The following ACTL6B variants were observed in gnomAD, a reference collection of about 807,000 sequenced individuals.
ACTL6B encodes the protein actin like 6B.
A neutral mutation model predicts 63.3 loss-of-function variants in ACTL6B; 48 were observed. The observed-to-expected ratio is 0.76, with a 90% CI of 0.60 to 0.96. The LOEUF (loss-of-function observed/expected upper bound fraction) is 0.96, where lower values mean the gene tolerates loss of function less well. Ranked by LOEUF, ACTL6B falls within the 50% of genes least tolerant of loss-of-function variation. The pLI is 0.00. For synonymous variants in ACTL6B, 230 were observed against 223.8 expected, an observed-to-expected ratio of 1.03 and a Z score of -0.25; for missense variants, 350 against 572.2, an observed-to-expected ratio of 0.61 and a Z score of 3.96.
chr7:100,655,540 C>T lies in ACTL6B; in HGVS notation c.149G>A (p.Gly50Asp), dbSNP rs1804023357. The T allele has an allele frequency of 1.2e-6, 2 of 1,613,900 alleles. No individual in the cohort carries two copies. The highest frequency in any genetic ancestry group is 1.7e-6 in the Non-Finnish European group (2 of 1,179,848). The change falls in exon 3 of 14, where the codon GGC becomes GAC. Residue 50 changes from glycine to aspartate, a missense_variant. Gly to Asp is a moderately conservative substitution (Grantham distance 94). Around this residue, in one of 3 missense-constraint regions of ACTL6B, gnomAD observed 250 missense variants for 364.7 expected, o/e 0.69. Transcript: ENST00000160382. The surrounding 1 kb of genome is among the most constrained non-coding windows in gnomAD (Gnocchi z 4.4). ...TTTGTCCCCCTCCAGCTCCAGCCCG[C>T]CCCCCTCCTCCGCGGCCAGCAGCCC... is the stretch of plus-strand genomic sequence containing the variant. ...TVGLLAAEEG[G>D]GLELEGDKEK...
Position 100,646,428 on chromosome 7 carries a change from G to A in ACTL6B, c.1114-93C>T. On this transcript the variant is annotated intron_variant, in intron 12 of 13. Transcript: ENST00000160382. The surrounding 1 kb of genome is among the most constrained non-coding windows in gnomAD (Gnocchi z 6.1). ...AGGGGAAGACTTGGGAAGCCACAGGGGCAGGGGTTCTGCTCTGGTGGCCAG... is the reference window on the plus strand; with the variant it reads ...AGGGGAAGACTTGGGAAGCCACAGGAGCAGGGGTTCTGCTCTGGTGGCCAG... 6.4e-7 allele frequency: 1 copy of A among 1,550,636 alleles called. No individual in the cohort carries two copies. The highest frequency in any genetic ancestry group is 8.9e-7 in the Non-Finnish European group (1 of 1,127,714).
intron 4 of ACTL6B, among the ~76,000 whole-genome samples, chr7:100,653,707 CAAA>C (rs1278821879): frequency 2.0e-5 from 3 of 152,030 alleles, no homozygotes; most frequent in Non-Finnish European, 4.4e-5. Context: ...ACAACAACAA[CAAA>C]ACCCACTGTA....
Position 100,648,896 on chromosome 7 carries a change from ACT to A in ACTL6B, c.468-75_468-74del. On this transcript the variant is annotated intron_variant, in intron 5 of 13. Coordinates refer to ENST00000160382, the MANE Select transcript of ACTL6B (RefSeq NM_016188.5). The surrounding 1 kb of genome is among the most constrained non-coding windows in gnomAD (Gnocchi z 4.4). ...GCCTGGGCCCAGATCTTGTCTGGTCACTCTCTGCTCTACCGGGGTCCAGCCCA... is the reference window on the plus strand; with the variant it reads ...GCCTGGGCCCAGATCTTGTCTGGTCACTCTGCTCTACCGGGGTCCAGCCCA... 6.9e-7 allele frequency: 1 copy of A among 1,448,990 alleles called. No individual in the cohort carries two copies. Among genetic ancestry groups the A allele is most frequent in the South Asian group, 1.3e-5 (1 of 78,226 alleles). 89.8% of individuals were successfully genotyped at this position (1,448,990 alleles called of 1,614,324 possible).
chr7:100,645,516 T>C (rs1470924764), intron 13 of ACTL6B, among the ~76,000 whole-genome samples: 2 of 152,124 alleles, frequency 1.3e-5, no homozygotes, highest in Non-Finnish European at 2.9e-5. Context: ...CATGCCTGCA[T>C]TGCCACATCA....
chr7:100,649,836 G>C, intron 5 of ACTL6B: 1 of 530,698 alleles, frequency 1.9e-6, no homozygotes, highest in South Asian at 2.1e-5. Flanking sequence ...AACCGAAAGG[G>C]GCCGCTGATC....
chr7:100,643,184 T>A lies in ACTL6B; in HGVS notation c.*62A>T. On this transcript the variant is annotated 3_prime_UTR_variant, in exon 14 of 14. Transcript: ENST00000160382. ...GAGGGAAAGGAGGAGGGGGGCAATG[T>A]GGCATGGGGGTTAAGGGACTTCCAT... 1 of 1,465,602 alleles carries A rather than the reference T, an allele frequency of 6.8e-7. No homozygotes were observed. The highest frequency in any genetic ancestry group is 9.5e-7 in the Non-Finnish European group (1 of 1,047,536). The allele number at this position is 1,465,602 out of a possible 1,614,324, so 90.8% of individuals were successfully genotyped here. A position where few individuals can be genotyped will look rare whatever the true frequency, so the allele number is the denominator to read the frequency against.
At chr7:100,643,396 C>T (rs1803759886) in intron 13 of ACTL6B, 70 bp from the exon 14 acceptor site, 1 of 1,542,160 alleles carries the variant, frequency 6.5e-7, no homozygotes, top group Non-Finnish European at 8.9e-7. Context: ...GGTGCAGCCC[C>T]TGGGAATCCT....
At chr7:100,654,907 G>A in intron 4 of ACTL6B, 112 bp downstream of exon 4, 3 of 879,356 alleles carry the variant, frequency 3.4e-6, no homozygotes, top group South Asian at 1.6e-5. Context: ...GTCTGAAAAG[G>A]GAAGGGAAGT....
rs370976935 is a variant in ACTL6B at position 100,654,998 on chromosome 7, G to A, written c.369+21C>T. 6.8e-5 allele frequency: 109 copies of A among 1,598,212 alleles called. No homozygotes were observed. The African/African-American group carries it at 1.1e-3, about 16-fold the overall frequency. ...TGCAGTGGAGATCAGGGTTGGACAT[G>A]AGGATGGAGGAGGCACTCACCGGAG... On this transcript the variant is annotated intron_variant, in intron 4 of 13. Transcript: ENST00000160382.
chr7:100,656,026 C>G, intron 1 of ACTL6B, 147 bp from the exon 2 acceptor site: 3 of 869,294 alleles, frequency 3.5e-6, no homozygotes, highest in Non-Finnish European at 1.7e-6. Context: ...AGTCCGAGGT[C>G]CTGGGACTGG....
In ACTL6B at chr7:100,647,307, G is replaced by A; in HGVS notation, c.760-23C>T. On this transcript the variant is annotated intron_variant, in intron 8 of 13. Transcript: ENST00000160382. The surrounding 1 kb of genome is among the most constrained non-coding windows in gnomAD (Gnocchi z 4.4). ...CTCCTGAAATCCCAGCGGAGGTGGT[G>A]AGGGCCTGCCTTCCCCGTGAGCAGC... The A allele has an allele frequency of 3.7e-6, 6 of 1,612,762 alleles. No homozygotes were observed. The highest frequency in any genetic ancestry group is 5.1e-6 in the Non-Finnish European group (6 of 1,179,678).
chr7:100,647,167 C>T lies in ACTL6B; in HGVS notation c.821+56G>A. 6.2e-7 allele frequency: 1 copy of T among 1,601,050 alleles called. No homozygotes were observed. The highest frequency in any genetic ancestry group is 8.6e-7 in the Non-Finnish European group (1 of 1,168,564). ...GCAGCACCAGAGCCCCCCAGCCCAC[C>T]CCAAGAGTGCCGGTTCTGCCCTCTC... On this transcript the variant is annotated intron_variant, in intron 9 of 13. Coordinates refer to ENST00000160382, the MANE Select transcript of ACTL6B (RefSeq NM_016188.5). The surrounding 1 kb of genome is among the most constrained non-coding windows in gnomAD (Gnocchi z 4.4).
At chr7:100,650,009 C>T (rs771897574) in intron 5 of ACTL6B, 29 bp downstream of exon 5, 19 of 1,604,984 alleles carry the variant, frequency 1.2e-5, no homozygotes, top group Non-Finnish European at 1.6e-5. Context: ...GCCCTCCACC[C>T]AGTCAGAGCA....
In ACTL6B at chr7:100,655,202, A is replaced by AACCT; in HGVS notation, c.269-84_269-83insAGGT. The AACCT allele has an allele frequency of 7.6e-7, 1 of 1,312,950 alleles. No homozygotes were observed. The highest frequency in any genetic ancestry group is 1.1e-6 in the Non-Finnish European group (1 of 919,840). The allele number at this position is 1,312,950 out of a possible 1,614,324, so 81.3% of individuals were successfully genotyped here. ...GGAAGAAAAGGAGGGAGAAAGGCCA[A>AACCT]GCCCAAAGGAGGGTCAGTGAGTCCA... On this transcript the variant is annotated intron_variant, in intron 3 of 13. Coordinates refer to ENST00000160382, the MANE Select transcript of ACTL6B (RefSeq NM_016188.5). This position sits in a 1 kb window ranked among gnomAD's most constrained non-coding sequence, Gnocchi z 4.4.
intron 4 of ACTL6B, among the ~76,000 whole-genome samples, chr7:100,652,795 G>A (rs1354040840): frequency 6.6e-6 from 1 of 150,720 alleles, no homozygotes; most frequent in African/African-American, 2.4e-5. Context: ...GAGGTCAAGA[G>A]ATCGAGACCA....
In ACTL6B at chr7:100,648,773, TG is replaced by T. The variant is rs1803873953; in HGVS notation, c.517del (p.His173ThrfsTer47). 1.2e-6 allele frequency: 2 copies of T among 1,614,084 alleles called. No homozygotes were observed. ...GTCATGTACTGGAATGGCCGTGGTG[TG>T]GGTGGCTCCACTGTCCAGCACGAGG... is the stretch of plus-strand genomic sequence containing the variant. ...TGLVLDSGAT[H>X]TTAIPVHDGY... On this transcript the variant is annotated frameshift_variant, in exon 6 of 14. Transcript: ENST00000160382. LOFTEE classifies it high-confidence loss of function. This position sits in a 1 kb window ranked among gnomAD's most constrained non-coding sequence, Gnocchi z 4.4.
At chr7:100,656,018 T>C in intron 1 of ACTL6B, 139 bp from the exon 2 acceptor site, 1 of 907,396 alleles carries the variant, frequency 1.1e-6, no homozygotes, top group South Asian at 1.7e-5. Flanking sequence ...GGGCCTGGAG[T>C]CCGAGGTCCT....
At chr7:100,650,177 G>T (rs1424691193) in intron 4 of ACTL6B, 42 bp from the exon 5 acceptor site, 5 of 1,582,196 alleles carry the variant, frequency 3.2e-6, no homozygotes, top group Non-Finnish European at 4.3e-6. Context: ...GGAAGGGAGA[G>T]GCACAGACCC....
At position 100,647,302 on chromosome 7, in the gene ACTL6B, G is replaced by A. The variant is rs1376078121; in HGVS notation, c.760-18C>T. 6.2e-7 allele frequency: 1 copy of A among 1,613,062 alleles called. No homozygotes were observed. The highest frequency in any genetic ancestry group is 8.5e-7 in the Non-Finnish European group (1 of 1,179,824). ...ATCACCTCCTGAAATCCCAGCGGAG[G>A]TGGTGAGGGCCTGCCTTCCCCGTGA... On this transcript the variant is annotated intron_variant, in intron 8 of 13. Transcript: ENST00000160382. This position sits in a 1 kb window ranked among gnomAD's most constrained non-coding sequence, Gnocchi z 4.4.
Sources: gnomAD v4.1 joint callset for allele counts (sites outside exome capture counted in the v4.1 genomes callset) on GRCh38, gnomAD v4.1.1 for gene constraint, gnomAD v4.1.1 regional missense constraint, Gnocchi (gnomAD v3.1) non-coding constraint, MANE v1.5 for transcripts, NCBI Gene and HGNC (gene_info 2026-07-23, HGNC 2026-07-21) for gene names.